Variants in HVCN1 observed in about 807,000 individuals in gnomAD.
The protein encoded by HVCN1 is voltage-gated hydrogen channel 1.
In HVCN1, 14 loss-of-function variants were observed where a neutral mutation model predicts 29.2. That is an observed-to-expected ratio of 0.48 (90% confidence interval 0.32 to 0.75). The LOEUF is 0.75. Among genes scored for constraint, HVCN1 ranks in the 30% least tolerant of loss-of-function variants. The pLI is 0.04. For synonymous variants in HVCN1, 131 were observed against 133.2 expected, an observed-to-expected ratio of 0.98 and a Z score of 0.11; for missense variants, 263 against 341.8, an observed-to-expected ratio of 0.77 and a Z score of 1.82.
intron 2 of HVCN1, among the ~76,000 whole-genome samples, chr12:110,697,025 G>A (rs2069504305): frequency 6.6e-6 from 1 of 152,008 alleles, no homozygotes; most frequent in African/African-American, 2.4e-5. Flanking sequence ...GGGGAACTGT[G>A]GGTGGCATGG....
intron 2 of HVCN1, among the ~76,000 whole-genome samples, chr12:110,695,147 G>A (rs976953334): frequency 2.6e-5 from 4 of 152,148 alleles, no homozygotes; most frequent in East Asian, 3.8e-4. Context: ...GGGGGCTCAC[G>A]CCTGCAATCC....
At chr12:110,703,870 A>C (rs1047622187) in intron 1 of HVCN1, among the ~76,000 whole-genome samples, 3 of 152,106 alleles carry the variant, frequency 2.0e-5, no homozygotes, top group Admixed American at 2.0e-4. Flanking sequence ...TTTTTAGTAG[A>C]GATGGGGTTT....
At chr12:110,650,109 T>C in intron 7 of HVCN1, 59 bp downstream of exon 7, 1 of 1,179,680 alleles carries the variant, frequency 8.5e-7, no homozygotes, top group Non-Finnish European at 1.3e-6. Context: ...CCTCCCAAAG[T>C]GCTAGGATTA....
At chr12:110,654,301 C>G (rs2067912045) in intron 5 of HVCN1, among the ~76,000 whole-genome samples, 1 of 151,866 alleles carries the variant, frequency 6.6e-6, no homozygotes, top group Admixed American at 6.6e-5. Context: ...GAAGATTCTC[C>G]TCCTATGCTG....
intron 5 of HVCN1, among the ~76,000 whole-genome samples, chr12:110,651,901 G>T (rs1490872956): frequency 6.6e-6 from 1 of 152,230 alleles, no homozygotes; most frequent in Non-Finnish European, 1.5e-5. Context: ...TGGGTGTGGT[G>T]GCTCGAGCCA....
At chr12:110,701,099 C>G (rs1337236473) in intron 2 of HVCN1, among the ~76,000 whole-genome samples, 1 of 152,244 alleles carries the variant, frequency 6.6e-6, no homozygotes, top group East Asian at 1.9e-4. Flanking sequence ...CGCATCTGGT[C>G]TCACTGAGGC....
chr12:110,694,296 A>C (rs917720718), upstream of HVCN1, among the ~76,000 whole-genome samples: 2 of 152,212 alleles, frequency 1.3e-5, no homozygotes, highest in African/African-American at 4.8e-5. This position sits in a 1 kb window ranked among gnomAD's most constrained non-coding sequence, Gnocchi z 4.6. Context: ...TCCTAGGCTC[A>C]AGGGATCCTC....
intron 3 of HVCN1, among the ~76,000 whole-genome samples, chr12:110,679,065 C>A (rs1403512955): frequency 6.6e-6 from 1 of 152,218 alleles, no homozygotes; most frequent in Non-Finnish European, 1.5e-5. Flanking sequence ...AACCACAGGA[C>A]ACAGAGCTCA....
chr12:110,657,724 T>TA (rs1225310432), intron 4 of HVCN1, among the ~76,000 whole-genome samples: 1 of 152,184 alleles, frequency 6.6e-6, no homozygotes, highest in Non-Finnish European at 1.5e-5. Context: ...CCCCAGCCTC[T>TA]ATGAAAACTC....
intron 2 of HVCN1, among the ~76,000 whole-genome samples, chr12:110,698,297 G>A (rs2069523718): frequency 6.6e-6 from 1 of 152,256 alleles, no homozygotes; most frequent in African/African-American, 2.4e-5. Flanking sequence ...TCTATGCCCA[G>A]CCTTTCCTGT....
chr12:110,697,737 G>A (rs989228070), intron 2 of HVCN1, among the ~76,000 whole-genome samples: 6 of 147,416 alleles, frequency 4.1e-5, no homozygotes, highest in Non-Finnish European at 7.4e-5. Context: ...TGCAACCTCC[G>A]TCTCCCAGGT....
Position 110,651,418 on chromosome 12 carries a change from C to A in HVCN1, c.442G>T (p.Val148Phe), listed in dbSNP as rs1324982417. 1 of 1,613,432 alleles carries A rather than the reference C, an allele frequency of 6.2e-7. No homozygotes were observed. The highest frequency in any genetic ancestry group is 2.2e-5 in the East Asian group (1 of 44,906). The part of the protein sequence containing the change: ...VFHYMSITIL[V>F]FFMMEIIFKL... Reference sequence around the variant, plus strand: ...AAGATGATCTCCATCATAAAAAAGACCAAGATGGTGATGCTCATGTAGTGG... The same window carrying A: ...AAGATGATCTCCATCATAAAAAAGAACAAGATGGTGATGCTCATGTAGTGG... Residue 148 changes from valine to phenylalanine, a missense_variant, in exon 6 of 8, where the codon GTC (valine) becomes TTC (phenylalanine). Coordinates refer to ENST00000242607, the MANE Select transcript of HVCN1 (RefSeq NM_032369.4).
intron 2 of HVCN1, among the ~76,000 whole-genome samples, chr12:110,696,729 G>A (rs1010441925): frequency 1.3e-5 from 2 of 152,160 alleles, no homozygotes; most frequent in African/African-American, 4.8e-5. Flanking sequence ...ATGTTTTCAA[G>A]CGTCATCCAT....
chr12:110,699,962 T>C (rs938028470), intron 2 of HVCN1, among the ~76,000 whole-genome samples: 3 of 151,688 alleles, frequency 2.0e-5, no homozygotes, highest in Admixed American at 1.3e-4. Flanking sequence ...AAGGGCCTTC[T>C]TCCTCCTGGT....
At chr12:110,670,840 G>T (rs143848195) in intron 3 of HVCN1, among the ~76,000 whole-genome samples, 76 of 152,248 alleles carry the variant, frequency 5.0e-4, no homozygotes, top group African/African-American at 1.8e-3. Flanking sequence ...AAGATGATAA[G>T]ATGAAATCAT....
intron 5 of HVCN1, 37 bp downstream of exon 5, chr12:110,655,197 A>AT: frequency 6.6e-7 from 1 of 1,508,784 alleles, no homozygotes; most frequent in Non-Finnish European, 9.2e-7. Flanking sequence ...CAAGCAAAAC[A>AT]TATCAGTAAG....
At chr12:110,669,804 C>T (rs1222950898) in intron 3 of HVCN1, among the ~76,000 whole-genome samples, 1 of 152,104 alleles carries the variant, frequency 6.6e-6, no homozygotes, top group Non-Finnish European at 1.5e-5. Flanking sequence ...GCCTGTAATC[C>T]TAGCACTTTG....
chr12:110,661,069 G>A lies in HVCN1; in HGVS notation c.306+95C>T. On this transcript the variant is annotated intron_variant, in intron 4 of 7. Transcript: ENST00000242607. The surrounding 1 kb of genome is among the most constrained non-coding windows in gnomAD (Gnocchi z 6.2). ...GGCAAACACTCGTAGAATGAATGAG[G>A]CAGTGGCCAAATGGGCTCAGCCTGG... 1 of 1,179,134 alleles carries A rather than the reference G, an allele frequency of 8.5e-7. No homozygotes were observed. 73.0% of individuals were successfully genotyped at this position (1,179,134 alleles called of 1,614,324 possible).
At chr12:110,667,290 C>T (rs1344623126) in intron 3 of HVCN1, among the ~76,000 whole-genome samples, 2 of 152,184 alleles carry the variant, frequency 1.3e-5, no homozygotes, top group Non-Finnish European at 2.9e-5. Flanking sequence ...GCTGCCAACA[C>T]ACCTGGCTAA....
Sources: gnomAD v4.1 joint callset for allele counts (sites outside exome capture counted in the v4.1 genomes callset) on GRCh38, gnomAD v4.1.1 for gene constraint, Gnocchi (gnomAD v3.1) non-coding constraint, MANE v1.5 for transcripts, NCBI Gene and HGNC (gene_info 2026-07-23, HGNC 2026-07-21) for gene names.